The following RAD51B variants were observed in gnomAD, a reference collection of about 807,000 sequenced individuals.
RAD51B encodes RAD51 paralog B.
RAD51B carries 38 observed loss-of-function variants against 42.2 expected under a neutral mutation model. The observed-to-expected ratio is 0.90, with a 90% CI of 0.70 to 1.18. The LOEUF (loss-of-function observed/expected upper bound fraction) is 1.18, where lower values mean the gene tolerates loss of function less well. Among genes scored for constraint, RAD51B ranks in the 50% most tolerant of loss-of-function variants. The pLI, the probability that RAD51B is intolerant of heterozygous loss-of-function variation, is 0.00. For missense variants in RAD51B, 373 were observed against 400.7 expected (o/e 0.93, Z 0.59); for synonymous variants, 154 against 145.2 (o/e 1.06, Z -0.43).
chr14:68,430,293 C>T (rs187676623), intron 9 of RAD51B, among the ~76,000 whole-genome samples: 38 of 152,142 alleles, frequency 2.5e-4, no homozygotes, highest in African/African-American at 4.6e-4. Flanking sequence ...AGAAAGTCAT[C>T]GGTAGCTTTA....
intron 7 of RAD51B, among the ~76,000 whole-genome samples, chr14:68,184,176 G>A (rs2079109880): frequency 6.6e-6 from 1 of 151,944 alleles, no homozygotes; most frequent in African/African-American, 2.4e-5. Context: ...CCAGCTACTT[G>A]GGAGGCTGAT....
rs574431516 is a variant in RAD51B at position 68,017,476 on chromosome 14, G to A, written c.756+130272G>A. 6.4e-4 allele frequency among the ~76,000 whole-genome samples: 98 copies of A among 152,102 alleles called. 1 individual carries two copies. Among genetic ancestry groups the A allele is most frequent in the Admixed American group, 4.7e-3 (72 of 15,292 alleles). ...CTCCCAAAGTGCTAGGATTACAGGC[G>A]TGAGCCACCACACCCAGCCTATCTT... On this transcript the variant is annotated intron_variant, in intron 7 of 10. Transcript: ENST00000471583.
chr14:68,653,721 C>T (rs138445371), intron 11 of RAD51B, among the ~76,000 whole-genome samples: 11 of 152,358 alleles, frequency 7.2e-5, no homozygotes, highest in African/African-American at 9.6e-5. Context: ...ATGATCATTA[C>T]GGCTCAAAGA....
intron 4 of RAD51B, among the ~76,000 whole-genome samples, chr14:67,861,374 C>T (rs1387841610): frequency 1.3e-5 from 2 of 151,868 alleles, no homozygotes; most frequent in Admixed American, 6.6e-5. Flanking sequence ...CATGGTGGCT[C>T]ATGCCTGTAA....
intron 7 of RAD51B, among the ~76,000 whole-genome samples, chr14:67,953,572 G>A (rs1255874438): frequency 1.3e-5 from 2 of 152,092 alleles, no homozygotes; most frequent in African/African-American, 2.4e-5. Context: ...TAGTGGAGTC[G>A]GGAGAGGTTA....
rs568804223 is a variant in RAD51B at position 68,299,621 on chromosome 14, G to T, written c.853+7641G>T. Among the ~76,000 whole-genome samples, 39 of 152,256 alleles carry T rather than the reference G, an allele frequency of 2.6e-4. 1 individual carries two copies. In the South Asian group the frequency reaches 7.9e-3, roughly 31 times the overall value. ...GGAATTATTCCCCTGCAGATACTGA[G>T]GGACAACTGTATTAATTATCCCATT... is the stretch of plus-strand genomic sequence containing the variant. On this transcript the variant is annotated intron_variant, in intron 8 of 10. Transcript: ENST00000471583.
intron 7 of RAD51B, among the ~76,000 whole-genome samples, chr14:68,205,056 T>C (rs567863603): frequency 6.6e-6 from 1 of 152,316 alleles, no homozygotes; most frequent in East Asian, 1.9e-4. Flanking sequence ...AGTGGTTATA[T>C]ATACTCTGAG....
chr14:68,037,037 C>T lies in RAD51B; in HGVS notation c.756+149833C>T, dbSNP rs1278275815. Among the ~76,000 whole-genome samples the T allele has an allele frequency of 2.4e-4, 26 of 108,698 alleles. No homozygotes were observed. In the East Asian group the frequency reaches 6.6e-3, roughly 28 times the overall value. The allele number at this position is 108,698 out of a possible 152,430, so 71.3% of individuals were successfully genotyped here. ...GACAGGAATTGTTACCCTCCCTCCC[C>T]CCCTCCCTTCCTTCCTTCCTTCCTC... On this transcript the variant is annotated intron_variant, in intron 7 of 10. Transcript: ENST00000471583.
chr14:68,238,591 C>T (rs1330654091), intron 7 of RAD51B, among the ~76,000 whole-genome samples: 1 of 152,212 alleles, frequency 6.6e-6, no homozygotes, highest in Non-Finnish European at 1.5e-5. Flanking sequence ...AGGCATGAGC[C>T]ACTGTGCCCA....
intron 7 of RAD51B, among the ~76,000 whole-genome samples, chr14:67,933,618 A>C (rs1449601303): frequency 6.6e-6 from 1 of 152,126 alleles, no homozygotes; most frequent in Non-Finnish European, 1.5e-5. Flanking sequence ...CCCTATGATA[A>C]TGAGTCCCTT....
chr14:68,388,092 A>ATT lies in RAD51B; in HGVS notation c.854-23331_854-23330insTT, dbSNP rs1192424963. Among the ~76,000 whole-genome samples the ATT allele has an allele frequency of 1.9e-3, 256 of 135,496 alleles. 1 individual carries two copies. The highest frequency in any genetic ancestry group is 6.7e-3 in the African/African-American group (221 of 32,878). 88.9% of individuals were successfully genotyped at this position (135,496 alleles called of 152,430 possible). On this transcript the variant is annotated intron_variant, in intron 8 of 10. Transcript: ENST00000471583. ...TGTGTGTGTGTGTATATATATATAT[A>ATT]TATTTTTTTTTTTTTTTAATTGAGG...
At chr14:68,276,581 G>T (rs2081229364) in intron 7 of RAD51B, among the ~76,000 whole-genome samples, 1 of 152,072 alleles carries the variant, frequency 6.6e-6, no homozygotes, top group Non-Finnish European at 1.5e-5. Flanking sequence ...ATCTACAGGG[G>T]AGTCTGTCAG....
intron 11 of RAD51B, among the ~76,000 whole-genome samples, chr14:68,662,606 G>A (rs142194104): frequency 6.6e-6 from 1 of 152,328 alleles, no homozygotes; most frequent in Non-Finnish European, 1.5e-5. Flanking sequence ...TTGTTCTCAA[G>A]AGAGCCATGA....
intron 7 of RAD51B, among the ~76,000 whole-genome samples, chr14:67,989,390 A>T (rs2075249826): frequency 6.6e-6 from 1 of 152,178 alleles, no homozygotes; most frequent in Non-Finnish European, 1.5e-5. Context: ...TAATCCCAGC[A>T]CTTTGGGAGG....
intron 8 of RAD51B, among the ~76,000 whole-genome samples, chr14:68,350,581 C>T (rs138835921): frequency 2.2e-4 from 33 of 152,276 alleles, no homozygotes; most frequent in Non-Finnish European, 2.8e-4. Flanking sequence ...ACTGAAATAT[C>T]GTGTGTGGTC....
intron 7 of RAD51B, among the ~76,000 whole-genome samples, chr14:67,929,837 A>G (rs1260421314): frequency 6.6e-6 from 1 of 151,174 alleles, no homozygotes. Context: ...TTTTTAAGAA[A>G]TGGGGTCTCA....
At chr14:68,274,004 T>A (rs2081172976) in intron 7 of RAD51B, among the ~76,000 whole-genome samples, 2 of 152,180 alleles carry the variant, frequency 1.3e-5, no homozygotes, top group African/African-American at 4.8e-5. Flanking sequence ...GAAAACCAGT[T>A]TCTTGCCCCA....
At chr14:68,532,779 A>C (rs1328489058) in intron 10 of RAD51B, among the ~76,000 whole-genome samples, 3 of 152,246 alleles carry the variant, frequency 2.0e-5, no homozygotes, top group Non-Finnish European at 2.9e-5. Flanking sequence ...CTAATCCATT[A>C]TAAACATAGA....
intron 7 of RAD51B, chr14:67,908,422 C>T (rs2043851469): frequency 6.6e-6 from 1 of 150,618 alleles, no homozygotes; most frequent in South Asian, 2.1e-4. Flanking sequence ...ATGGTATCAA[C>T]AAAAAACATG....
Sources: gnomAD v4.1 joint callset for allele counts (sites outside exome capture counted in the v4.1 genomes callset) on GRCh38, gnomAD v4.1.1 for gene constraint, MANE v1.5 for transcripts, NCBI Gene and HGNC (gene_info 2026-07-23, HGNC 2026-07-21) for gene names.